The following TERF1 variants were observed in gnomAD, a reference collection of about 807,000 sequenced individuals.
TERF1 encodes the protein telomeric repeat-binding factor 1.
TERF1 carries 20 observed loss-of-function variants against 55.1 expected under a neutral mutation model. That is an observed-to-expected ratio of 0.36 (90% CI 0.26 to 0.53). The LOEUF (loss-of-function observed/expected upper bound fraction) is 0.53. TERF1 is among the 20% of genes least tolerant of loss of function. The pLI is 0.91. For synonymous variants in TERF1, 168 were observed against 181.2 expected (o/e 0.93, Z 0.59); for missense variants, 439 against 535.7 (o/e 0.82, Z 1.78).
chr8:73,022,138 A>G (rs1027178011), intron 3 of TERF1, 78 bp from the exon 4 acceptor site: 1 of 828,440 alleles, frequency 1.2e-6, no homozygotes, highest in Non-Finnish European at 1.9e-6. Flanking sequence ...TTTCAGACTT[A>G]CCTGAGTTAT....
At chr8:73,043,770 GTGCACCTTATTAAAAATAC>G (rs1308337679) in intron 9 of TERF1, among the ~76,000 whole-genome samples, 1 of 152,166 alleles carries the variant, frequency 6.6e-6, no homozygotes, top group Non-Finnish European at 1.5e-5. Context: ...AACGTCATCT[GTGCACCTTATTAAAAATAC>G]TACAGCTCAG....
chr8:73,024,421 G>A (rs1808893564), intron 4 of TERF1, among the ~76,000 whole-genome samples: 1 of 152,182 alleles, frequency 6.6e-6, no homozygotes, highest in South Asian at 2.1e-4. Context: ...ACATACATAT[G>A]TAGTGCAAGT....
intron 9 of TERF1, among the ~76,000 whole-genome samples, chr8:73,044,719 C>T (rs967215431): frequency 1.3e-5 from 2 of 152,120 alleles, no homozygotes; most frequent in East Asian, 3.8e-4. Flanking sequence ...ATCCTCCCAG[C>T]CCCCTTGCCA....
At position 73,046,309 on chromosome 8, in the gene TERF1, C is replaced by G. The variant is rs990549751; in HGVS notation, c.*172C>G. 51 of 439,520 alleles carry G rather than the reference C, an allele frequency of 1.2e-4. No individual in the cohort carries two copies. The highest frequency in any genetic ancestry group is 1.8e-4 in the Non-Finnish European group (46 of 252,444). The allele number at this position is 439,520 out of a possible 1,614,324, so 27.2% of individuals were successfully genotyped here. A position where few individuals can be genotyped will look rare whatever the true frequency, so the allele number is the denominator to read the frequency against. Reference sequence around the variant, plus strand: ...CTACCAGAGTTAAAGCATATGCTATCATTGTATTCTTTAAGAACCTTATTT... The same window carrying G: ...CTACCAGAGTTAAAGCATATGCTATGATTGTATTCTTTAAGAACCTTATTT... On this transcript the variant is annotated 3_prime_UTR_variant, in exon 10 of 10. Transcript: ENST00000276603.
intron 9 of TERF1, among the ~76,000 whole-genome samples, chr8:73,039,816 T>TGTGTGTGTGTGTG (rs1809759071): frequency 6.8e-6 from 1 of 146,876 alleles, no homozygotes; most frequent in African/African-American, 2.5e-5. Flanking sequence ...TGTGTGTGTG[T>TGTGTGTGTGTGTG]TTCCCCCTTT....
chr8:73,038,651 T>C (rs1809704738), intron 8 of TERF1: 1 of 446,180 alleles, frequency 2.2e-6, no homozygotes, highest in Non-Finnish European at 3.0e-6. Flanking sequence ...TTCTCTTAGG[T>C]TTTCTGCCTA....
chr8:73,039,050 A>G (rs1809721906), intron 8 of TERF1, 66 bp from the exon 9 acceptor site: 2 of 1,097,890 alleles, frequency 1.8e-6, no homozygotes, highest in South Asian at 1.6e-5. Context: ...ATAATCATTA[A>G]AAATATAATT....
chr8:73,022,160 AAT>A (rs1259753925), intron 3 of TERF1, 54 bp from the exon 4 acceptor site: 1 of 1,055,126 alleles, frequency 9.5e-7, no homozygotes, highest in African/African-American at 1.7e-5. Flanking sequence ...TTAATAATTA[AAT>A]AACTATTGGG....
chr8:73,012,080 A>T (rs1226105579), intron 1 of TERF1: 2 of 152,174 alleles, frequency 1.3e-5, no homozygotes, highest in Non-Finnish European at 2.9e-5. Flanking sequence ...TTTCACTGAA[A>T]CACTTGGAGG....
intron 1 of TERF1, chr8:73,009,453 G>A: frequency 1.9e-6 from 1 of 535,604 alleles, no homozygotes. Context: ...TTTGATGCAA[G>A]CATTAAATGA....
intron 9 of TERF1, among the ~76,000 whole-genome samples, chr8:73,045,171 A>C (rs147918851): frequency 6.6e-6 from 1 of 152,202 alleles, no homozygotes; most frequent in Non-Finnish European, 1.5e-5. Flanking sequence ...CAATTTATCC[A>C]TATCCTCACC....
intron 1 of TERF1, chr8:73,012,742 A>G (rs1808335459): frequency 2.2e-5 from 6 of 269,818 alleles, no homozygotes; most frequent in South Asian, 2.1e-4. Flanking sequence ...TGTAAAAAAC[A>G]TGCAATCTGC....
At chr8:73,022,161 A>G (rs1808788803) in intron 3 of TERF1, 55 bp from the exon 4 acceptor site, 1 of 1,069,098 alleles carries the variant, frequency 9.4e-7, no homozygotes, top group Middle Eastern at 3.0e-4. Flanking sequence ...TAATAATTAA[A>G]TAACTATTGG....
chr8:73,017,323 C>T (rs1423728119), intron 2 of TERF1, among the ~76,000 whole-genome samples: 4 of 152,070 alleles, frequency 2.6e-5, no homozygotes, highest in Non-Finnish European at 5.9e-5. Context: ...TTTTGAGGCA[C>T]AGTAAGTGAT....
chr8:73,015,685 A>AT (rs999150630), intron 2 of TERF1, among the ~76,000 whole-genome samples: 33 of 151,810 alleles, frequency 2.2e-4, no homozygotes, highest in Non-Finnish European at 4.0e-4. Context: ...AAAATACAAA[A>AT]AAAAATAAAA....
At chr8:73,030,165 G>A in intron 6 of TERF1, 171 bp from the exon 7 acceptor site, 1 of 413,682 alleles carries the variant, frequency 2.4e-6, no homozygotes, top group Admixed American at 4.4e-5. Context: ...AAGCATGTCT[G>A]GACAAGAATT....
rs57684365 is a variant in TERF1 at position 73,023,557 on chromosome 8, T to TA, written c.624+1256dup. 6.9e-3 allele frequency among the ~76,000 whole-genome samples: 1,055 copies of TA among 152,308 alleles called. 8 individuals carry two copies. Among genetic ancestry groups the TA allele is most frequent in the African/African-American group, 0.023 (970 of 41,554 alleles). ...CCAGAAATTTCAGCCAATAGCCTGA[T>TA]ATGTCTGTTGGGTTTTCTACCCTTA... On this transcript the variant is annotated intron_variant, in intron 4 of 9. Coordinates refer to ENST00000276603, the MANE Select transcript of TERF1 (RefSeq NM_017489.3).
At chr8:73,009,365 G>T in intron 1 of TERF1, 160 bp downstream of exon 1, 2 of 659,726 alleles carry the variant, frequency 3.0e-6, no homozygotes, top group Non-Finnish European at 5.0e-6. Flanking sequence ...TCGAATCCCG[G>T]TTCGCCCGTT....
chr8:73,032,430 T>C (rs1809327147), intron 8 of TERF1, among the ~76,000 whole-genome samples: 1 of 152,140 alleles, frequency 6.6e-6, no homozygotes, highest in African/African-American at 2.4e-5. Context: ...CAGACTGCAT[T>C]GCATATAGGA....
Sources: gnomAD v4.1 joint callset for allele counts (sites outside exome capture counted in the v4.1 genomes callset) on GRCh38, gnomAD v4.1.1 for gene constraint, MANE v1.5 for transcripts, NCBI Gene and HGNC (gene_info 2026-07-23, HGNC 2026-07-21) for gene names.